Variants in DAB1 observed in about 807,000 individuals in gnomAD.
DAB1 encodes the protein DAB adaptor protein 1, also known as disabled homolog 1.
A neutral mutation model predicts 64.6 loss-of-function variants in DAB1; 15 were observed. The ratio of observed to expected loss-of-function variants is 0.23; its 90% CI spans 0.16 to 0.36. The LOEUF (loss-of-function observed/expected upper bound fraction) is 0.36, where lower values mean the gene tolerates loss of function less well. DAB1 is among the 10% of genes least tolerant of loss of function. The pLI is 1.00. For missense variants in DAB1, 596 were observed against 706.7 expected, an observed-to-expected ratio of 0.84 and a Z score of 1.78; for synonymous variants, 235 against 251.9, an observed-to-expected ratio of 0.93 and a Z score of 0.64.
intron 4 of DAB1, among the ~76,000 whole-genome samples, chr1:57,119,314 G>A (rs901747793): frequency 1.3e-5 from 2 of 152,050 alleles, no homozygotes; most frequent in African/African-American, 4.8e-5. Flanking sequence ...GTAGGCCTAA[G>A]GATTCTGGTT....
chr1:57,915,236 C>G (rs574584009), intron 5 of DAB1, among the ~76,000 whole-genome samples: 2 of 151,418 alleles, frequency 1.3e-5, no homozygotes, highest in Admixed American at 6.6e-5. Context: ...TACTTTGTTT[C>G]TCTCTTTCTG....
At chr1:57,785,632 G>A (rs1650302569) in intron 6 of DAB1, among the ~76,000 whole-genome samples, 1 of 152,120 alleles carries the variant, frequency 6.6e-6, no homozygotes, top group African/African-American at 2.4e-5. Context: ...ATTAGAAGTG[G>A]AGCCTGAAGA....
At chr1:58,074,754 C>T (rs1649535575) in intron 5 of DAB1, among the ~76,000 whole-genome samples, 1 of 151,452 alleles carries the variant, frequency 6.6e-6, no homozygotes, top group South Asian at 2.1e-4. Context: ...TGTTTAGATT[C>T]CCCAGGCGAA....
chr1:58,507,940 C>T (rs1349650022), intron 2 of DAB1, among the ~76,000 whole-genome samples: 1 of 152,106 alleles, frequency 6.6e-6, no homozygotes, highest in African/African-American at 2.4e-5. Context: ...GAATGGACTA[C>T]AAATTCACGA....
At chr1:57,451,714 T>A (rs2101155263) in intron 7 of DAB1, among the ~76,000 whole-genome samples, 1 of 152,312 alleles carries the variant, frequency 6.6e-6, no homozygotes, top group South Asian at 2.1e-4. Flanking sequence ...ACCTGCTGTT[T>A]CCAGGCTTTC....
intron 2 of DAB1, among the ~76,000 whole-genome samples, chr1:57,254,137 A>C (rs763430585): frequency 2.0e-5 from 3 of 152,364 alleles, no homozygotes; most frequent in Non-Finnish European, 4.4e-5. Context: ...ATTTCAAGTG[A>C]ATGAATAATG....
At chr1:57,284,641 C>CAATGATA (rs1672169146) in intron 2 of DAB1, among the ~76,000 whole-genome samples, 1 of 152,240 alleles carries the variant, frequency 6.6e-6, no homozygotes, top group Admixed American at 6.5e-5. Context: ...CATATAGAAG[C>CAATGATA]AATGATAAAT....
intron 3 of DAB1, among the ~76,000 whole-genome samples, chr1:58,356,689 G>C (rs1350640532): frequency 6.6e-6 from 1 of 152,126 alleles, no homozygotes; most frequent in Admixed American, 6.6e-5. Flanking sequence ...TTGGATCAGA[G>C]AGTAGGTAGG....
intron 2 of DAB1, among the ~76,000 whole-genome samples, chr1:57,234,449 G>A (rs779650168): frequency 5.9e-5 from 9 of 151,900 alleles, no homozygotes; most frequent in African/African-American, 1.9e-4. Flanking sequence ...TATTTTTTAG[G>A]TGTCAATAAT....
At position 57,094,359 on chromosome 1, in the gene DAB1, A is replaced by G. The variant is rs539845478; in HGVS notation, c.307-21945T>C. 2.6e-5 allele frequency among the ~76,000 whole-genome samples: 4 copies of G among 152,284 alleles called. No homozygotes were observed. The East Asian group carries it at 7.8e-4, about 30-fold the overall frequency. On this transcript the variant is annotated intron_variant, in intron 4 of 14. Transcript: ENST00000371236. Reference sequence around the variant, plus strand: ...AACCTCAGCTTGCAAAATCCGGATCACATTCTCCCTTCTTCCTGAGTCTCA... The same window carrying G: ...AACCTCAGCTTGCAAAATCCGGATCGCATTCTCCCTTCTTCCTGAGTCTCA...
At chr1:57,508,419 C>T (rs1185292809) in intron 7 of DAB1, among the ~76,000 whole-genome samples, 2 of 152,224 alleles carry the variant, frequency 1.3e-5, no homozygotes, top group Admixed American at 6.5e-5. Context: ...TCAAATGTCA[C>T]TGCTTCAAGG....
chr1:58,481,590 C>T (rs570503540), intron 3 of DAB1, among the ~76,000 whole-genome samples: 26 of 152,092 alleles, frequency 1.7e-4, no homozygotes, highest in African/African-American at 6.0e-4. Context: ...AAAAGATATA[C>T]ATAACTGATA....
chr1:58,427,337 G>A (rs917142093), intron 3 of DAB1, among the ~76,000 whole-genome samples: 4 of 152,178 alleles, frequency 2.6e-5, no homozygotes, highest in South Asian at 2.1e-4. Flanking sequence ...TTTTTTCTCC[G>A]AATGAGATAG....
intron 4 of DAB1, among the ~76,000 whole-genome samples, chr1:58,300,622 G>A (rs888774657): frequency 0.028 from 1,182 of 41,772 alleles, 15 homozygotes; most frequent in Middle Eastern, 0.058. Flanking sequence ...GAGAGAGAGA[G>A]AGAGAGAGAG....
At chr1:57,851,789 T>G (rs1653537182) in intron 1 of DAB1, among the ~76,000 whole-genome samples, 1 of 152,290 alleles carries the variant, frequency 6.6e-6, no homozygotes. Flanking sequence ...TGACAGTAGC[T>G]TATGTTTCTC....
At chr1:57,678,760 T>G (rs1452981125) in intron 6 of DAB1, among the ~76,000 whole-genome samples, 2 of 78,368 alleles carry the variant, frequency 2.6e-5, no homozygotes, top group African/African-American at 1.1e-4. Context: ...GTGAGGCAAC[T>G]GTTTTTTGTT....
chr1:57,072,275 A>G lies in DAB1; in HGVS notation c.438+8T>C. On this transcript the variant is annotated splice_region_variant and intron_variant, in intron 5 of 14. Transcript: ENST00000371236. Reference sequence around the variant, plus strand: ...GGAAAGACTCCCTTCTTGGATAGGGATACTCACCGCCTGGGCTGTTTTTAT... The same window carrying G: ...GGAAAGACTCCCTTCTTGGATAGGGGTACTCACCGCCTGGGCTGTTTTTAT... 6.2e-7 allele frequency: 1 copy of G among 1,613,136 alleles called. No homozygotes were observed. Among genetic ancestry groups the G allele is most frequent in the Non-Finnish European group, 8.5e-7 (1 of 1,179,376 alleles).
chr1:57,238,537 G>C (rs912341352), intron 2 of DAB1, among the ~76,000 whole-genome samples: 1 of 152,186 alleles, frequency 6.6e-6, no homozygotes, highest in Non-Finnish European at 1.5e-5. Context: ...AAGGTCTTGT[G>C]ATGAAGCACG....
At chr1:57,349,007 C>A (rs1678354511) in intron 1 of DAB1, among the ~76,000 whole-genome samples, 1 of 152,080 alleles carries the variant, frequency 6.6e-6, no homozygotes, top group Admixed American at 6.6e-5. Flanking sequence ...CATTTCCTTC[C>A]CAACTGGCAA....
Sources: allele counts gnomAD v4.1 joint callset (sites outside exome capture counted in the v4.1 genomes callset), GRCh38; gene constraint gnomAD v4.1.1; transcripts MANE v1.5; gene names NCBI Gene and HGNC (gene_info 2026-07-23, HGNC 2026-07-21).